KLF12: variants seen among roughly 807,000 people sequenced by gnomAD.
KLF12 encodes the protein Krueppel-like factor 12.
In KLF12, 9 loss-of-function variants were observed where a neutral mutation model predicts 37.8. That is an observed-to-expected ratio of 0.24 (90% CI 0.14 to 0.42). The LOEUF is 0.42. Ranked by LOEUF, KLF12 falls within the 10% of genes least tolerant of loss-of-function variation. The probability of loss-of-function intolerance (pLI) is 1.00; values close to 1 mark genes in which losing one functional copy is unlikely to be tolerated. For synonymous variants in KLF12, 208 were observed against 202.1 expected, an observed-to-expected ratio of 1.03 and a Z score of -0.25; for missense variants, 411 against 516.0, an observed-to-expected ratio of 0.80 and a Z score of 1.97.
chr13:74,247,388 G>C, the KLF12 span, among the ~76,000 whole-genome samples: 1 of 152,062 alleles, frequency 6.6e-6, no homozygotes, highest in East Asian at 1.9e-4. Context: ...GGGCAATTTG[G>C]GGGGATCTTT....
the KLF12 span, among the ~76,000 whole-genome samples, chr13:74,238,845 G>T: frequency 6.6e-5 from 10 of 151,590 alleles, no homozygotes; most frequent in African/African-American, 2.2e-4. Context: ...TTCTTTATTA[G>T]TCTTGCTAGC....
At chr13:73,880,598 C>T (rs1320643700) in intron 3 of KLF12, among the ~76,000 whole-genome samples, 1 of 152,150 alleles carries the variant, frequency 6.6e-6, no homozygotes, top group African/African-American at 2.4e-5. Flanking sequence ...TAATTTGTTG[C>T]TTCCAAACCA....
intron 1 of KLF12, among the ~76,000 whole-genome samples, chr13:74,057,778 A>C (rs1873330625): frequency 1.3e-5 from 2 of 152,150 alleles, no homozygotes; most frequent in South Asian, 4.1e-4. Context: ...TTTGTTATAC[A>C]TAAGGGAAAT....
intron 1 of KLF12, among the ~76,000 whole-genome samples, chr13:74,057,263 T>C (rs1349415188): frequency 6.6e-6 from 1 of 152,200 alleles, no homozygotes; most frequent in Non-Finnish European, 1.5e-5. Flanking sequence ...TGTGTTCCTG[T>C]GTGGGTGGAG....
At chr13:73,743,190 C>G (rs111484531) in intron 6 of KLF12, among the ~76,000 whole-genome samples, 1 of 152,178 alleles carries the variant, frequency 6.6e-6, no homozygotes, top group Non-Finnish European at 1.5e-5. Flanking sequence ...GTTTATTTAA[C>G]GGTAGATCCT....
rs538784291 is a variant in KLF12 at position 73,704,270 on chromosome 13, G to A, written c.1028-8599C>T. ...CTCCTAAGCGCCAGAGAGGGAGACAGGACATTTCCAACTGGTGGTCTGAAA... is the reference window on the plus strand; with the variant it reads ...CTCCTAAGCGCCAGAGAGGGAGACAAGACATTTCCAACTGGTGGTCTGAAA... On this transcript the variant is annotated intron_variant, in intron 7 of 7. Transcript: ENST00000377669. 2.1e-4 allele frequency among the ~76,000 whole-genome samples: 32 copies of A among 152,298 alleles called. No individual in the cohort carries two copies. The South Asian group carries it at 5.0e-3, about 24-fold the overall frequency.
chr13:73,827,936 C>T (rs7984488), intron 4 of KLF12, among the ~76,000 whole-genome samples: 38,182 of 152,110 alleles, frequency 0.25, 4,987 homozygotes, highest in East Asian at 0.49. Flanking sequence ...TATTTATCTA[C>T]ATTTTTCAAA....
chr13:73,799,094 G>A (rs1319043268), intron 5 of KLF12, among the ~76,000 whole-genome samples: 1 of 152,140 alleles, frequency 6.6e-6, no homozygotes, highest in East Asian at 1.9e-4. Flanking sequence ...AAAAGAGCAA[G>A]ATCCCGTCTT....
intron 2 of KLF12, among the ~76,000 whole-genome samples, chr13:73,963,080 T>C (rs1891067268): frequency 6.6e-6 from 1 of 152,198 alleles, no homozygotes; most frequent in Admixed American, 6.5e-5. Flanking sequence ...TGGGCAAATA[T>C]ATCATTCTGC....
chr13:73,805,640 GGGAGGGAGGGAGGAAGGAAGGAA>G lies in KLF12; in HGVS notation c.806+7489_806+7511del, dbSNP rs1882545022. 7.2e-5 allele frequency among the ~76,000 whole-genome samples: 4 copies of G among 55,770 alleles called. 1 individual carries two copies. Among genetic ancestry groups the G allele is most frequent in the African/African-American group, 4.3e-4 (4 of 9,348 alleles). 36.6% of individuals were successfully genotyped at this position (55,770 alleles called of 152,430 possible). On this transcript the variant is annotated intron_variant, in intron 5 of 7. Coordinates refer to ENST00000377669, the MANE Select transcript of KLF12 (RefSeq NM_007249.5). ...AGGGAGGGAGGGAGGGAGGGAGGGA[GGGAGGGAGGGAGGAAGGAAGGAA>G]GGAAGGAAGGAAGGAAGGAAGGAAG...
intron 2 of KLF12, among the ~76,000 whole-genome samples, chr13:73,966,609 A>G (rs1479866485): frequency 6.6e-6 from 1 of 152,146 alleles, no homozygotes; most frequent in East Asian, 1.9e-4. Context: ...CCATGTGCAA[A>G]AAGACTCAGC....
At chr13:74,157,378 A>G in the KLF12 span, among the ~76,000 whole-genome samples, 8 of 152,248 alleles carry the variant, frequency 5.3e-5, no homozygotes, top group Admixed American at 5.2e-4. Context: ...GGCTACAGTT[A>G]CCTGTGAAAT....
intron 5 of KLF12, among the ~76,000 whole-genome samples, chr13:73,806,900 G>C (rs1207898487): frequency 1.3e-5 from 2 of 151,990 alleles, no homozygotes; most frequent in African/African-American, 4.8e-5. Context: ...CATCATACAT[G>C]AGGAGATTAA....
chr13:74,229,831 C>T, the KLF12 span, among the ~76,000 whole-genome samples: 71 of 152,224 alleles, frequency 4.7e-4, 1 homozygote, highest in East Asian at 7.4e-3. Context: ...ATTTCAGTCC[C>T]GTCTCCCCAG....
the KLF12 span, among the ~76,000 whole-genome samples, chr13:74,224,273 G>A: frequency 1.3e-5 from 2 of 152,096 alleles, no homozygotes; most frequent in Admixed American, 6.6e-5. Context: ...GTTCAAAGAG[G>A]AAATGACTGC....
At chr13:74,152,307 T>G in the KLF12 span, among the ~76,000 whole-genome samples, 1 of 152,212 alleles carries the variant, frequency 6.6e-6, no homozygotes, top group African/African-American at 2.4e-5. Context: ...TTATATAACT[T>G]AGGGTCCACA....
the KLF12 span, among the ~76,000 whole-genome samples, chr13:74,211,073 C>T: frequency 6.6e-6 from 1 of 152,158 alleles, no homozygotes; most frequent in African/African-American, 2.4e-5. Flanking sequence ...GGCAGTCTTC[C>T]ACCCACATTA....
chr13:74,178,416 G>T, the KLF12 span, among the ~76,000 whole-genome samples: 1 of 152,208 alleles, frequency 6.6e-6, no homozygotes, highest in Non-Finnish European at 1.5e-5. Context: ...AGGGAAAAAG[G>T]TCAGAACAAA....
chr13:73,692,559 C>T lies in KLF12; in HGVS notation c.*2931G>A, dbSNP rs1314544176. 2 of 152,624 alleles carry T rather than the reference C, an allele frequency of 1.3e-5. No homozygotes were observed. The highest frequency in any genetic ancestry group is 4.8e-5 in the African/African-American group (2 of 41,442). 9.5% of individuals were successfully genotyped at this position (152,624 alleles called of 1,614,324 possible). On this transcript the variant is annotated 3_prime_UTR_variant, in exon 8 of 8. Coordinates refer to ENST00000377669, the MANE Select transcript of KLF12 (RefSeq NM_007249.5). ...TACTGCTTTTCTGTTGCTCATGATG[C>T]ACTGTGCTTTTTGAAAGAGGCTAGA...
Sources: gnomAD v4.1 joint callset for allele counts (sites outside exome capture counted in the v4.1 genomes callset) on GRCh38, gnomAD v4.1.1 for gene constraint, MANE v1.5 for transcripts, NCBI Gene and HGNC (gene_info 2026-07-23, HGNC 2026-07-21) for gene names.